The following WDR7 variants were observed in gnomAD, a reference collection of about 807,000 sequenced individuals.
WDR7 encodes WD repeat-containing protein 7.
WDR7 carries 46 observed loss-of-function variants against 169.4 expected under a neutral mutation model. That is an observed-to-expected ratio of 0.27 (90% CI 0.21 to 0.35). WDR7 has a LOEUF of 0.35. Ranked by LOEUF, WDR7 falls within the 10% of genes least tolerant of loss-of-function variation. WDR7 has a pLI of 1.00. For missense variants in WDR7, 1,534 were observed against 1,859.3 expected, an observed-to-expected ratio of 0.83 and a Z score of 3.22; for synonymous variants, 612 against 666.8, an observed-to-expected ratio of 0.92 and a Z score of 1.27.
intron 20 of WDR7, among the ~76,000 whole-genome samples, chr18:56,817,308 C>T (rs895502428): frequency 5.4e-5 from 8 of 148,792 alleles, no homozygotes; most frequent in African/African-American, 2.0e-4. Context: ...TGCACCTCTG[C>T]GCTCCAGCCT....
chr18:56,870,620 A>T (rs1257518443), intron 20 of WDR7, among the ~76,000 whole-genome samples: 2 of 152,204 alleles, frequency 1.3e-5, no homozygotes, highest in Non-Finnish European at 2.9e-5. Flanking sequence ...GATCTTAAAA[A>T]TTGTTAATAT....
intron 20 of WDR7, among the ~76,000 whole-genome samples, chr18:56,832,798 C>G (rs1195416900): frequency 6.6e-6 from 1 of 152,088 alleles, no homozygotes; most frequent in African/African-American, 2.4e-5. Context: ...TCAACATCAA[C>G]AAAAAGAACA....
chr18:56,939,560 ATATAG>A (rs2047006531), intron 25 of WDR7, among the ~76,000 whole-genome samples, 167 bp downstream of exon 25: 2 of 152,186 alleles, frequency 1.3e-5, no homozygotes, highest in South Asian at 4.1e-4. Flanking sequence ...AAAAACAAAA[ATATAG>A]TAGAGTTAGC....
chr18:56,781,778 G>T, intron 19 of WDR7, 122 bp downstream of exon 19: 1 of 1,078,598 alleles, frequency 9.3e-7, no homozygotes, highest in Non-Finnish European at 1.2e-6. Context: ...AAAGTGAAAA[G>T]AACAGATCCT....
chr18:56,905,216 T>C (rs893830728), intron 21 of WDR7, among the ~76,000 whole-genome samples: 1 of 152,218 alleles, frequency 6.6e-6, no homozygotes, highest in African/African-American at 2.4e-5. Context: ...TGGCACCATC[T>C]TGGCTCACCC....
chr18:56,920,189 C>T lies in WDR7; in HGVS notation c.3527-3733C>T, dbSNP rs188294155. Among the ~76,000 whole-genome samples, 254 of 152,224 alleles carry T rather than the reference C, an allele frequency of 1.7e-3. 1 individual carries two copies. The highest frequency in any genetic ancestry group is 5.8e-3 in the African/African-American group (241 of 41,534). ...GTCTTTACACATGCTCTTTCCTCTG[C>T]CTGGAATGTTTTCTTTCCCTTCTCC... On this transcript the variant is annotated intron_variant, in intron 21 of 27. Transcript: ENST00000254442.
chr18:56,903,067 C>T (rs953726627), intron 21 of WDR7, among the ~76,000 whole-genome samples: 5 of 152,198 alleles, frequency 3.3e-5, no homozygotes, highest in South Asian at 2.1e-4. Flanking sequence ...GGTGATTGCC[C>T]GTTGGCAGCA....
intron 13 of WDR7, among the ~76,000 whole-genome samples, chr18:56,725,137 C>T (rs950689309): frequency 4.0e-5 from 6 of 150,562 alleles, no homozygotes; most frequent in South Asian, 2.1e-4. Context: ...TCTTTATAGC[C>T]GCATGATTTA....
At chr18:56,754,019 T>C (rs2043834513) in intron 14 of WDR7, among the ~76,000 whole-genome samples, 1 of 151,962 alleles carries the variant, frequency 6.6e-6, no homozygotes, top group South Asian at 2.1e-4. Flanking sequence ...TATATAGCAA[T>C]ACAAACAAAA....
rs75812756 is a variant in WDR7 at position 57,010,994 on chromosome 18, T to C, written c.4165-9751T>C. Among the ~76,000 whole-genome samples the C allele has an allele frequency of 8.2e-3, 1,255 of 152,362 alleles. 16 individuals carry two copies. Among genetic ancestry groups the C allele is most frequent in the African/African-American group, 0.029 (1,194 of 41,596 alleles). ...CTTAAATGTTTATTCTCTATTTTTCTATTCATAAAACTTCCTTTTAAAAAT... is the reference window on the plus strand; with the variant it reads ...CTTAAATGTTTATTCTCTATTTTTCCATTCATAAAACTTCCTTTTAAAAAT... On this transcript the variant is annotated intron_variant, in intron 26 of 27. Coordinates refer to ENST00000254442, the MANE Select transcript of WDR7 (RefSeq NM_015285.3).
chr18:56,799,766 G>A lies in WDR7; in HGVS notation c.3191-16265G>A, dbSNP rs1010408591. Among the ~76,000 whole-genome samples the A allele has an allele frequency of 2.6e-5, 4 of 152,252 alleles. No homozygotes were observed. In the South Asian group the frequency reaches 8.3e-4, roughly 32 times the overall value. ...GTGAAACATTCTAACTGAAATCAGTGGTTGCAAAATCAAATATGATTCTCA... is the reference window on the plus strand; with the variant it reads ...GTGAAACATTCTAACTGAAATCAGTAGTTGCAAAATCAAATATGATTCTCA... On this transcript the variant is annotated intron_variant, in intron 19 of 27. Coordinates refer to ENST00000254442, the MANE Select transcript of WDR7 (RefSeq NM_015285.3).
intron 21 of WDR7, among the ~76,000 whole-genome samples, chr18:56,900,481 TTAAC>T (rs1248385800): frequency 6.6e-6 from 1 of 152,172 alleles, no homozygotes; most frequent in East Asian, 1.9e-4. Context: ...CAGAAAATGA[TTAAC>T]TACTAAAAGA....
intron 20 of WDR7, among the ~76,000 whole-genome samples, chr18:56,855,089 A>G (rs2045698753): frequency 6.6e-6 from 1 of 152,200 alleles, no homozygotes; most frequent in South Asian, 2.1e-4. Flanking sequence ...CATTCTATCC[A>G]ACGCTTGACA....
intron 22 of WDR7, among the ~76,000 whole-genome samples, chr18:56,931,640 A>G (rs183057931): frequency 6.3e-4 from 96 of 152,306 alleles, no homozygotes; most frequent in Non-Finnish European, 4.6e-4. Flanking sequence ...AAGGCCTGGC[A>G]AAATGTGATT....
chr18:57,017,446 ATGTGTGTG>A (rs2048223640), intron 26 of WDR7, among the ~76,000 whole-genome samples: 1 of 86,356 alleles, frequency 1.2e-5, no homozygotes, highest in East Asian at 4.6e-4. Flanking sequence ...GTGTGTGTGC[ATGTGTGTG>A]TGCTGTTCTT....
rs983624648 is a variant in WDR7 at position 57,007,201 on chromosome 18, G to A, written c.4165-13544G>A. Among the ~76,000 whole-genome samples, 76 of 152,148 alleles carry A rather than the reference G, an allele frequency of 5.0e-4. 1 individual carries two copies. The highest frequency in any genetic ancestry group is 1.5e-3 in the African/African-American group (61 of 41,520). On this transcript the variant is annotated intron_variant, in intron 26 of 27. Transcript: ENST00000254442. ...TCACCATGTTAGCCACGATAGTCTC[G>A]ATCTCCTGACCTCGTGATCCACCCG... is the stretch of plus-strand genomic sequence containing the variant.
intron 20 of WDR7, among the ~76,000 whole-genome samples, chr18:56,818,554 T>C (rs1169540205): frequency 5.3e-5 from 8 of 152,192 alleles, no homozygotes; most frequent in Non-Finnish European, 1.0e-4. Flanking sequence ...AACTAAAAAA[T>C]GGCTTCCTTA....
intron 25 of WDR7, among the ~76,000 whole-genome samples, chr18:56,954,952 G>A (rs1305421331): frequency 6.6e-6 from 1 of 152,040 alleles, no homozygotes; most frequent in Non-Finnish European, 1.5e-5. Context: ...TGCTTTTCAA[G>A]TGAAAAGCTG....
chr18:56,857,102 ATCT>A (rs1469268147), intron 20 of WDR7, among the ~76,000 whole-genome samples: 1 of 152,132 alleles, frequency 6.6e-6, no homozygotes, highest in Non-Finnish European at 1.5e-5. Context: ...TGGCCCTAAA[ATCT>A]TCTATTGGTT....
Sources: allele counts gnomAD v4.1 joint callset (sites outside exome capture counted in the v4.1 genomes callset), GRCh38; gene constraint gnomAD v4.1.1; transcripts MANE v1.5; gene names NCBI Gene and HGNC (gene_info 2026-07-23, HGNC 2026-07-21).